Variants in EPHA4 observed in about 807,000 individuals in gnomAD.
EPHA4 encodes the protein EPH receptor A4.
A neutral mutation model predicts 108.3 loss-of-function variants in EPHA4; 19 were observed. The ratio of observed to expected loss-of-function variants is 0.18; its 90% confidence interval spans 0.12 to 0.26. The LOEUF (loss-of-function observed/expected upper bound fraction) is 0.26, where lower values mean the gene tolerates loss of function less well. EPHA4 is among the 10% of genes least tolerant of loss of function. The pLI is 1.00. For missense variants in EPHA4, 917 were observed against 1,254.0 expected (o/e 0.73, Z 4.06); for synonymous variants, 449 against 455.5 (o/e 0.99, Z 0.18).
chr2:221,557,935 A>C (rs186234902), intron 3 of EPHA4, among the ~76,000 whole-genome samples: 1 of 152,356 alleles, frequency 6.6e-6, no homozygotes, highest in Admixed American at 6.5e-5. Flanking sequence ...TCAATGTTTT[A>C]ACAAAAATAT....
intron 4 of EPHA4, among the ~76,000 whole-genome samples, chr2:221,497,374 C>T (rs965404751): frequency 2.0e-5 from 3 of 152,144 alleles, no homozygotes; most frequent in African/African-American, 7.2e-5. Flanking sequence ...TTGATGGCGT[C>T]GCCATCAGCA....
chr2:221,430,462 C>T (rs999650259), intron 14 of EPHA4, among the ~76,000 whole-genome samples: 1 of 152,128 alleles, frequency 6.6e-6, no homozygotes, highest in African/African-American at 2.4e-5. Flanking sequence ...TGGCCCTGCC[C>T]CCTGCCCCCT....
chr2:221,544,403 G>T (rs1469030424), intron 3 of EPHA4, among the ~76,000 whole-genome samples: 2 of 152,094 alleles, frequency 1.3e-5, no homozygotes, highest in Non-Finnish European at 2.9e-5. Context: ...TCAGCTCACT[G>T]CAACCTCCAC....
intron 3 of EPHA4, among the ~76,000 whole-genome samples, chr2:221,538,942 C>A (rs182677898): frequency 5.3e-5 from 8 of 152,098 alleles, no homozygotes; most frequent in Admixed American, 3.3e-4. Context: ...ATAGTGAATG[C>A]AAAGATAAAT....
chr2:221,490,158 A>C (rs1330697015), intron 4 of EPHA4, among the ~76,000 whole-genome samples: 2 of 151,480 alleles, frequency 1.3e-5, no homozygotes, highest in East Asian at 3.9e-4. Context: ...AAAAAAAAAA[A>C]AAAACCCACT....
At chr2:221,520,125 A>T (rs1431857517) in intron 3 of EPHA4, among the ~76,000 whole-genome samples, 1 of 151,980 alleles carries the variant, frequency 6.6e-6, no homozygotes, top group Non-Finnish European at 1.5e-5. Context: ...TCTCTCAATG[A>T]TCCCCACTGT....
rs144215062 is a variant in EPHA4 at position 221,456,967 on chromosome 2, C to A, written c.1444-195G>T. Among the ~76,000 whole-genome samples the A allele has an allele frequency of 2.0e-5, 3 of 152,252 alleles. No individual in the cohort carries two copies. The South Asian group carries it at 6.2e-4, about 32-fold the overall frequency. ...TACTTCTTACTTGTTGAAAGAAATG[C>A]AAATTCAGGTATGATTGTTATTGAC... On this transcript the variant is annotated intron_variant, in intron 6 of 17. Coordinates refer to ENST00000281821, the MANE Select transcript of EPHA4 (RefSeq NM_004438.5).
chr2:221,572,081 C>A, intron 1 of EPHA4, 77 bp downstream of exon 1: 1 of 1,222,132 alleles, frequency 8.2e-7, no homozygotes. Context: ...CACCACCTGG[C>A]CCTGCGCTCC....
intron 4 of EPHA4, among the ~76,000 whole-genome samples, chr2:221,500,546 C>T (rs1428721816): frequency 6.6e-6 from 1 of 152,222 alleles, no homozygotes; most frequent in Admixed American, 6.5e-5. Context: ...GGGCCTAAGT[C>T]TTATGAACAC....
At chr2:221,508,856 T>C (rs1692717058) in intron 3 of EPHA4, among the ~76,000 whole-genome samples, 1 of 151,934 alleles carries the variant, frequency 6.6e-6, no homozygotes, top group Non-Finnish European at 1.5e-5. Flanking sequence ...AAGTAAGTAG[T>C]TATCCTCTCA....
chr2:221,540,502 C>A (rs1169723774), intron 3 of EPHA4, among the ~76,000 whole-genome samples: 1 of 152,146 alleles, frequency 6.6e-6, no homozygotes, highest in Non-Finnish European at 1.5e-5. Flanking sequence ...CTGATACAAC[C>A]TTTTTCAAGA....
intron 4 of EPHA4, among the ~76,000 whole-genome samples, chr2:221,491,569 T>C (rs1171406953): frequency 2.0e-5 from 3 of 152,172 alleles, no homozygotes; most frequent in Non-Finnish European, 4.4e-5. Context: ...TTTTTGAGAA[T>C]TGGATAGAAA....
Position 221,456,711 on chromosome 2 carries a change from C to A in EPHA4, c.1505G>T (p.Gly502Val). 6.2e-7 allele frequency: 1 copy of A among 1,613,932 alleles called. No homozygotes were observed. Among genetic ancestry groups the A allele is most frequent in the Non-Finnish European group, 8.5e-7 (1 of 1,179,904 alleles). Residue 502 changes from glycine (G) to valine (V), a missense_variant, in exon 7 of 18, where the codon GGC becomes GTC. Transcript: ENST00000281821. ...RTAARNTDIK[G>V]LNPLTSYVFH... The stretch of plus-strand genomic sequence containing the variant: ...AACATAGGAAGTGAGAGGGTTCAGG[C>A]CTTTGATATCTGTGTTCCTGGCAGC...
At chr2:221,522,714 G>A (rs988351122) in intron 3 of EPHA4, among the ~76,000 whole-genome samples, 3 of 151,530 alleles carry the variant, frequency 2.0e-5, no homozygotes, top group Non-Finnish European at 4.4e-5. Context: ...ATAAATCAAA[G>A]GCAACAATAA....
Position 221,564,208 on chromosome 2 carries a change from C to T in EPHA4, c.346G>A (p.Gly116Arg). The T allele has an allele frequency of 1.9e-6, 3 of 1,614,080 alleles. No homozygotes were observed. The highest frequency in any genetic ancestry group is 2.5e-6 in the Non-Finnish European group (3 of 1,180,014). ...RDCNSLPGVM[G>R]TCKETFNLYY... The stretch of plus-strand genomic sequence containing the variant: ...AGGTTAAACGTCTCCTTGCAAGTCC[C>T]CATGACGCCCGGAAGACTATTGCAG... Residue 116 changes from glycine to arginine, a missense_variant, in exon 3 of 18, where the codon GGG becomes AGG. By Grantham distance (125) the Gly-to-Arg change is moderately radical. Coordinates refer to ENST00000281821, the MANE Select transcript of EPHA4 (RefSeq NM_004438.5).
chr2:221,570,744 A>G (rs534460574), intron 1 of EPHA4, among the ~76,000 whole-genome samples: 1 of 152,332 alleles, frequency 6.6e-6, no homozygotes, highest in South Asian at 2.1e-4. Context: ...AGATGGAAAG[A>G]TGAATGGATG....
At chr2:221,432,460 T>A (rs1690106705) in intron 14 of EPHA4, among the ~76,000 whole-genome samples, 1 of 152,128 alleles carries the variant, frequency 6.6e-6, no homozygotes, top group African/African-American at 2.4e-5. Flanking sequence ...CCCTCCATAG[T>A]CTTCTTCCAA....
intron 3 of EPHA4, among the ~76,000 whole-genome samples, chr2:221,515,877 AT>A (rs1479872357): frequency 6.6e-6 from 1 of 151,858 alleles, no homozygotes; most frequent in East Asian, 1.9e-4. Context: ...CCATAAGAAG[AT>A]CTACATTTTA....
At chr2:221,544,348 T>C (rs1693922837) in intron 3 of EPHA4, among the ~76,000 whole-genome samples, 1 of 152,150 alleles carries the variant, frequency 6.6e-6, no homozygotes, top group Non-Finnish European at 1.5e-5. Context: ...TTTTTTGAGA[T>C]GGAGGCTCAC....
Sources: allele counts gnomAD v4.1 joint callset (sites outside exome capture counted in the v4.1 genomes callset), GRCh38; gene constraint gnomAD v4.1.1; transcripts MANE v1.5; gene names NCBI Gene and HGNC (gene_info 2026-07-23, HGNC 2026-07-21).